Variants in KCNQ1 observed in about 807,000 individuals in gnomAD.
KCNQ1 encodes the protein potassium voltage-gated channel subfamily Q member 1.
In KCNQ1, 49 loss-of-function variants were observed where a neutral mutation model predicts 72.4. The ratio of observed to expected loss-of-function variants is 0.68; its 90% CI spans 0.54 to 0.86. The LOEUF is 0.86. KCNQ1 is among the 40% of genes least tolerant of loss of function. KCNQ1 has a pLI of 0.00. For synonymous variants in KCNQ1, 450 were observed against 412.6 expected, an observed-to-expected ratio of 1.09 and a Z score of -1.10; for missense variants, 790 against 945.1, an observed-to-expected ratio of 0.84 and a Z score of 2.15.
intron 10 of KCNQ1, among the ~76,000 whole-genome samples, chr11:2,591,699 G>A (rs1231091227): frequency 6.6e-6 from 1 of 152,242 alleles, no homozygotes; most frequent in African/African-American, 2.4e-5. Context: ...TGCTGTCTGC[G>A]GAATGTTAAT....
rs1204165653 is a variant in KCNQ1, at chr11:2,537,176, G to A, written c.477+9158G>A. 2.0e-5 allele frequency among the ~76,000 whole-genome samples: 3 copies of A among 152,004 alleles called. No homozygotes were observed. The highest frequency in any genetic ancestry group is 2.1e-4 in the South Asian group (1 of 4,820). On this transcript the variant is annotated intron_variant, in intron 2 of 15. Coordinates refer to ENST00000155840, the MANE Select transcript of KCNQ1 (RefSeq NM_000218.3). This position sits in a 1 kb window ranked among gnomAD's most constrained non-coding sequence, Gnocchi z 5.2. ...GGGGTCTCCAAACCATGGCCCACAGGGTGGCTCCCTGTGTGTGTAAATAAA... is the reference window on the plus strand; with the variant it reads ...GGGGTCTCCAAACCATGGCCCACAGAGTGGCTCCCTGTGTGTGTAAATAAA...
chr11:2,643,797 T>C (rs1233251554), intron 10 of KCNQ1: 3 of 398,624 alleles, frequency 7.5e-6, no homozygotes, highest in Non-Finnish European at 1.3e-5. Flanking sequence ...ATTAATTCCC[T>C]GAGCTTTTAC....
intron 11 of KCNQ1, among the ~76,000 whole-genome samples, chr11:2,739,023 G>A (rs1263589075): frequency 6.6e-6 from 1 of 152,198 alleles, no homozygotes; most frequent in African/African-American, 2.4e-5. Context: ...CTCGAGCCCT[G>A]CTACCACCAT....
At chr11:2,467,366 G>A (rs932410481) in intron 1 of KCNQ1, among the ~76,000 whole-genome samples, 6 of 152,176 alleles carry the variant, frequency 3.9e-5, no homozygotes, top group African/African-American at 7.2e-5. Context: ...TGGTCCTCAC[G>A]GAGGAGGCTG....
In KCNQ1 at chr11:2,462,482, T is replaced by TGCC. The variant is rs1846293082; in HGVS notation, c.386+16999_386+17001dup. 6.6e-6 allele frequency among the ~76,000 whole-genome samples: 1 copy of TGCC among 152,136 alleles called. No homozygotes were observed. The highest frequency in any genetic ancestry group is 1.5e-5 in the Non-Finnish European group (1 of 68,032). ...GCATGACGGGAACCACCTGTGACAT[T>TGCC]GCCACCACCTCGCTGTAATCTGGGC... On this transcript the variant is annotated intron_variant, in intron 1 of 15. Coordinates refer to ENST00000155840, the MANE Select transcript of KCNQ1 (RefSeq NM_000218.3). The surrounding 1 kb of genome is among the most constrained non-coding windows in gnomAD (Gnocchi z 8.2).
rs1240181440 is a variant in KCNQ1 at position 2,564,439 on chromosome 11, CA to C, written c.478-6184del. ...TGAAACCTTGTCTCTACTAATAATA[CA>C]AAAAGATTAGCCGGGTGTGGTGGTG... On this transcript the variant is annotated intron_variant, in intron 2 of 15. Coordinates refer to ENST00000155840, the MANE Select transcript of KCNQ1 (RefSeq NM_000218.3). This position sits in a 1 kb window ranked among gnomAD's most constrained non-coding sequence, Gnocchi z 4.5. 6.6e-6 allele frequency among the ~76,000 whole-genome samples: 1 copy of C among 152,066 alleles called. No homozygotes were observed. The highest frequency in any genetic ancestry group is 1.9e-4 in the East Asian group (1 of 5,190).
In KCNQ1 at chr11:2,600,531, T is replaced by C. The variant is rs1389717810; in HGVS notation, c.1393+11677T>C. Among the ~76,000 whole-genome samples the C allele has an allele frequency of 2.0e-5, 3 of 152,262 alleles. No individual in the cohort carries two copies. The stretch of plus-strand genomic sequence containing the variant: ...GTGAGTTGCATACTCCACAGCTCTT[T>C]GCCCCTAAACATTTTGCTGTGTATT... On this transcript the variant is annotated intron_variant, in intron 10 of 15. Transcript: ENST00000155840. This position sits in a 1 kb window ranked among gnomAD's most constrained non-coding sequence, Gnocchi z 5.6.
At position 2,621,581 on chromosome 11, in the gene KCNQ1, C is replaced by T. The variant is rs539492384; in HGVS notation, c.1393+32727C>T. 7.5e-6 allele frequency: 3 copies of T among 398,418 alleles called. No individual in the cohort carries two copies. Among genetic ancestry groups the T allele is most frequent in the Non-Finnish European group, 1.3e-5 (3 of 226,014 alleles). The allele number at this position is 398,418 out of a possible 1,614,324, so 24.7% of individuals were successfully genotyped here. On this transcript the variant is annotated intron_variant, in intron 10 of 15. Coordinates refer to ENST00000155840, the MANE Select transcript of KCNQ1 (RefSeq NM_000218.3). This position sits in a 1 kb window ranked among gnomAD's most constrained non-coding sequence, Gnocchi z 5.7. ...GTGATCTCTTTGCTATTGGTCTGTTCAGGCTTTCTATTCCTGATTTAATCT... is the reference window on the plus strand; with the variant it reads ...GTGATCTCTTTGCTATTGGTCTGTTTAGGCTTTCTATTCCTGATTTAATCT...
intron 2 of KCNQ1, among the ~76,000 whole-genome samples, chr11:2,553,100 T>C (rs751899597): frequency 3.3e-5 from 5 of 152,216 alleles, no homozygotes; most frequent in Admixed American, 6.5e-5. Flanking sequence ...TCCTGTGACT[T>C]TGCTCATGTT....
At chr11:2,705,053 A>C (rs1288037559) in intron 11 of KCNQ1, among the ~76,000 whole-genome samples, 2 of 152,066 alleles carry the variant, frequency 1.3e-5, no homozygotes. Flanking sequence ...AGGCTGACAG[A>C]GTGTGACAGA....
rs1422419004 is a variant in KCNQ1 at position 2,818,209 on chromosome 11, C to T, written c.1795-29558C>T. Among the ~76,000 whole-genome samples the T allele has an allele frequency of 6.6e-6, 1 of 152,146 alleles. No homozygotes were observed. The highest frequency in any genetic ancestry group is 1.5e-5 in the Non-Finnish European group (1 of 68,022). ...AAAGGGTCTTGTCTGCTCTTCCCCTCAGTGTCAGGTGACCCAAGAGTGTGG... is the reference window on the plus strand; with the variant it reads ...AAAGGGTCTTGTCTGCTCTTCCCCTTAGTGTCAGGTGACCCAAGAGTGTGG... On this transcript the variant is annotated intron_variant, in intron 15 of 15. Transcript: ENST00000155840. This position sits in a 1 kb window ranked among gnomAD's most constrained non-coding sequence, Gnocchi z 7.2.
At chr11:2,594,981 T>G (rs1450060166) in intron 10 of KCNQ1, among the ~76,000 whole-genome samples, 2 of 152,188 alleles carry the variant, frequency 1.3e-5, no homozygotes, top group Non-Finnish European at 2.9e-5. Flanking sequence ...GGTTCCTATG[T>G]ATCCTGTATA....
In KCNQ1 at chr11:2,507,596, T is replaced by G. The variant is rs1386619705; in HGVS notation, c.387-20332T>G. ...ATGGGTCAGGGTTGGGGCGAAGGAGTCCAGCTGGGGACATGTTATTTTGGA... is the reference window on the plus strand; with the variant it reads ...ATGGGTCAGGGTTGGGGCGAAGGAGGCCAGCTGGGGACATGTTATTTTGGA... On this transcript the variant is annotated intron_variant, in intron 1 of 15. Coordinates refer to ENST00000155840, the MANE Select transcript of KCNQ1 (RefSeq NM_000218.3). The surrounding 1 kb of genome is among the most constrained non-coding windows in gnomAD (Gnocchi z 5.4). Among the ~76,000 whole-genome samples, 2 of 151,534 alleles carry G rather than the reference T, an allele frequency of 1.3e-5. No homozygotes were observed. Among genetic ancestry groups the G allele is most frequent in the African/African-American group, 2.4e-5 (1 of 41,218 alleles).
At position 2,710,046 on chromosome 11, in the gene KCNQ1, C is replaced by T. The variant is rs1478884822; in HGVS notation, c.1514+47965C>T. On this transcript the variant is annotated intron_variant, in intron 11 of 15. Coordinates refer to ENST00000155840, the MANE Select transcript of KCNQ1 (RefSeq NM_000218.3). The surrounding 1 kb of genome is among the most constrained non-coding windows in gnomAD (Gnocchi z 4.1). ...GTCATATGGTGACTCCATATTTAAC[C>T]TTTTGAGGATCTGCCAGACTGTTTT... 6.6e-6 allele frequency among the ~76,000 whole-genome samples: 1 copy of T among 152,094 alleles called. No homozygotes were observed. The highest frequency in any genetic ancestry group is 6.5e-5 in the Admixed American group (1 of 15,276).
chr11:2,589,217 C>T (rs919008756), intron 10 of KCNQ1, among the ~76,000 whole-genome samples: 1 of 152,196 alleles, frequency 6.6e-6, no homozygotes, highest in Non-Finnish European at 1.5e-5. Context: ...GACCTCTGGG[C>T]CTACTGGCAG....
chr11:2,527,856 C>T (rs1288002068), intron 1 of KCNQ1, 72 bp from the exon 2 acceptor site: 1 of 1,395,638 alleles, frequency 7.2e-7, no homozygotes, highest in African/African-American at 1.4e-5. Context: ...GCCAGGGGCC[C>T]CTCCACTCCC....
Position 2,682,120 on chromosome 11 carries a change from G to T in KCNQ1, c.1514+20039G>T, listed in dbSNP as rs1283583092. 1 of 398,468 alleles carries T rather than the reference G, an allele frequency of 2.5e-6. No individual in the cohort carries two copies. The highest frequency in any genetic ancestry group is 3.6e-5 in the East Asian group (1 of 28,078). 24.7% of individuals were successfully genotyped at this position (398,468 alleles called of 1,614,324 possible). A position where few individuals can be genotyped will look rare whatever the true frequency, so the allele number is the denominator to read the frequency against. On this transcript the variant is annotated intron_variant, in intron 11 of 15. Coordinates refer to ENST00000155840, the MANE Select transcript of KCNQ1 (RefSeq NM_000218.3). This position sits in a 1 kb window ranked among gnomAD's most constrained non-coding sequence, Gnocchi z 5.8. ...AAGCTAGGGAGCCGTGGATCTGCAGGAGATGTCCCAGCTCATCAAATATTC... is the reference window on the plus strand; with the variant it reads ...AAGCTAGGGAGCCGTGGATCTGCAGTAGATGTCCCAGCTCATCAAATATTC...
At chr11:2,718,225 TC>T (rs1352405193) in intron 11 of KCNQ1, among the ~76,000 whole-genome samples, 5 of 152,014 alleles carry the variant, frequency 3.3e-5, no homozygotes, top group Admixed American at 6.6e-5. Flanking sequence ...CTTCCCCACA[TC>T]CCCCTCACAC....
At chr11:2,591,941 G>A (rs748513001) in intron 10 of KCNQ1, among the ~76,000 whole-genome samples, 1 of 152,246 alleles carries the variant, frequency 6.6e-6, no homozygotes, top group African/African-American at 2.4e-5. Flanking sequence ...GGCTTGGGGA[G>A]AAGGAGATGC....
Sources: allele counts gnomAD v4.1 joint callset (sites outside exome capture counted in the v4.1 genomes callset), GRCh38; gene constraint gnomAD v4.1.1; non-coding constraint Gnocchi (gnomAD v3.1); transcripts MANE v1.5; gene names NCBI Gene and HGNC (gene_info 2026-07-23, HGNC 2026-07-21).